The following TTBK2 variants were observed in gnomAD, a reference collection of about 807,000 sequenced individuals.
TTBK2 encodes tau tubulin kinase 2.
In TTBK2, 28 loss-of-function variants were observed where a neutral mutation model predicts 110.8. The observed-to-expected ratio is 0.25, with a 90% confidence interval of 0.19 to 0.35. The LOEUF (loss-of-function observed/expected upper bound fraction) is 0.35. Among genes scored for constraint, TTBK2 ranks in the 10% least tolerant of loss-of-function variants. The pLI is 1.00. For synonymous variants in TTBK2, 532 were observed against 527.3 expected, an observed-to-expected ratio of 1.01 and a Z score of -0.12; for missense variants, 1,369 against 1,500.3, an observed-to-expected ratio of 0.91 and a Z score of 1.45.
chr15:42,888,842 G>A (rs1895343316), intron 1 of TTBK2, among the ~76,000 whole-genome samples: 2 of 152,146 alleles, frequency 1.3e-5, no homozygotes, highest in South Asian at 4.1e-4. Flanking sequence ...TGCTGATAAG[G>A]TAGCTAAAGA....
chr15:42,798,271 C>T (rs1385788226), intron 9 of TTBK2: 2 of 456,098 alleles, frequency 4.4e-6, no homozygotes, highest in East Asian at 1.4e-4. Flanking sequence ...AATTCTCAAA[C>T]TGGAAAGGGA....
chr15:42,773,874 A>G (rs1224231438), intron 13 of TTBK2, among the ~76,000 whole-genome samples: 1 of 152,190 alleles, frequency 6.6e-6, no homozygotes, highest in Non-Finnish European at 1.5e-5. Context: ...ACAATTTGGA[A>G]AAGAATGCCC....
intron 1 of TTBK2, among the ~76,000 whole-genome samples, chr15:42,913,502 G>C (rs999100201): frequency 6.6e-6 from 1 of 151,998 alleles, no homozygotes; most frequent in Non-Finnish European, 1.5e-5. Flanking sequence ...GCCAGGCGTG[G>C]TGGTGGGCGC....
At chr15:42,798,292 A>T (rs926355190) in intron 9 of TTBK2, 3 of 456,274 alleles carry the variant, frequency 6.6e-6, no homozygotes, top group Middle Eastern at 3.3e-4. Context: ...GAAGGGAAAA[A>T]TCTGAAAAAA....
At chr15:42,854,647 G>GAA (rs11347978) in intron 3 of TTBK2, among the ~76,000 whole-genome samples, 5 of 121,772 alleles carry the variant, frequency 4.1e-5, no homozygotes. Context: ...ATATGCAAGA[G>GAA]AAAAAAAAAA....
intron 7 of TTBK2, among the ~76,000 whole-genome samples, chr15:42,816,118 A>ATATATATATATATATATATG (rs1235814767): frequency 2.9e-5 from 3 of 104,166 alleles, no homozygotes; most frequent in African/African-American, 3.9e-5. Context: ...ATATATATAT[A>ATATATATATATATATATATG]TGTGTATATT....
chr15:42,771,722 A>T (rs1889686324), intron 13 of TTBK2, among the ~76,000 whole-genome samples: 1 of 152,176 alleles, frequency 6.6e-6, no homozygotes, highest in Admixed American at 6.5e-5. Flanking sequence ...TTCTTTGTGC[A>T]TTATTTTAAA....
chr15:42,780,233 A>C (rs1595901905), intron 11 of TTBK2, among the ~76,000 whole-genome samples: 1 of 117,912 alleles, frequency 8.5e-6, no homozygotes, highest in African/African-American at 3.3e-5. Context: ...GGGTTTTGCC[A>C]TGTTGCCCAG....
chr15:42,893,024 A>AG (rs968869986), intron 1 of TTBK2, among the ~76,000 whole-genome samples: 8 of 151,496 alleles, frequency 5.3e-5, no homozygotes, highest in East Asian at 1.9e-4. Flanking sequence ...AAAAAAAAAA[A>AG]AAAGAAAGAA....
intron 8 of TTBK2, 74 bp from the exon 9 acceptor site, chr15:42,810,813 G>A (rs959717788): frequency 2.4e-5 from 37 of 1,553,120 alleles, no homozygotes; most frequent in East Asian, 6.8e-5. Context: ...CTCAGTAACC[G>A]TCTCAAGGGT....
chr15:42,753,262 G>T lies in TTBK2; in HGVS notation c.1999-15C>A, dbSNP rs1044486295. The T allele has an allele frequency of 2.5e-6, 4 of 1,610,722 alleles. No individual in the cohort carries two copies. The highest frequency in any genetic ancestry group is 3.4e-6 in the Non-Finnish European group (4 of 1,178,284). The stretch of plus-strand genomic sequence containing the variant: ...GGAATTGTAATCTGGAGAAGGGGAA[G>T]AAAAAATTAAAATGCAATTATGTAA... On this transcript the variant is annotated splice_polypyrimidine_tract_variant and intron_variant, in intron 13 of 14. Coordinates refer to ENST00000267890, the MANE Select transcript of TTBK2 (RefSeq NM_173500.4).
chr15:42,821,686 GTTTTTTTTTTGT>G (rs1460359072), intron 6 of TTBK2, among the ~76,000 whole-genome samples: 14 of 123,002 alleles, frequency 1.1e-4, no homozygotes, highest in African/African-American at 3.6e-4. Context: ...TTTGTTTTTT[GTTTTTTTTTTGT>G]TTTTTTTTTT....
chr15:42,902,457 T>C (rs549761036), intron 1 of TTBK2, among the ~76,000 whole-genome samples: 1 of 151,976 alleles, frequency 6.6e-6, no homozygotes, highest in Admixed American at 6.6e-5. Flanking sequence ...GAGGCGGAGA[T>C]TGCGGTGAGC....
intron 14 of TTBK2, among the ~76,000 whole-genome samples, chr15:42,751,497 G>C (rs1457605268): frequency 6.6e-6 from 1 of 152,222 alleles, no homozygotes; most frequent in Non-Finnish European, 1.5e-5. Context: ...AGCACTTTGG[G>C]AGGCCAAGGC....
intron 6 of TTBK2, among the ~76,000 whole-genome samples, chr15:42,819,220 G>A (rs1250754382): frequency 2.0e-5 from 3 of 151,590 alleles, no homozygotes; most frequent in African/African-American, 7.3e-5. Flanking sequence ...CTGTAACCCA[G>A]CACTTTGGGA....
At chr15:42,763,358 C>G (rs1234605364) in intron 13 of TTBK2, among the ~76,000 whole-genome samples, 2 of 148,844 alleles carry the variant, frequency 1.3e-5, no homozygotes, top group African/African-American at 5.0e-5. Context: ...GGATTACAAG[C>G]ATGCCCCATC....
At chr15:42,910,843 A>G (rs950536894) in intron 1 of TTBK2, among the ~76,000 whole-genome samples, 3 of 152,060 alleles carry the variant, frequency 2.0e-5, no homozygotes, top group African/African-American at 7.2e-5. Flanking sequence ...GAGGAGTTCG[A>G]GACCAGCCTG....
intron 1 of TTBK2, among the ~76,000 whole-genome samples, chr15:42,914,186 C>T (rs2030956899): frequency 6.6e-6 from 1 of 152,014 alleles, no homozygotes; most frequent in African/African-American, 2.4e-5. Flanking sequence ...CCATATTGGC[C>T]AGGCTAGTCT....
chr15:42,838,742 G>A (rs1280872276), intron 4 of TTBK2, among the ~76,000 whole-genome samples: 4 of 151,982 alleles, frequency 2.6e-5, no homozygotes, highest in Non-Finnish European at 5.9e-5. Flanking sequence ...CTTGAACCTG[G>A]GAGACGGAGG....
Sources: gnomAD v4.1 joint callset for allele counts (sites outside exome capture counted in the v4.1 genomes callset) on GRCh38, gnomAD v4.1.1 for gene constraint, MANE v1.5 for transcripts, NCBI Gene and HGNC (gene_info 2026-07-23, HGNC 2026-07-21) for gene names.